ZFAT: variants seen among roughly 807,000 people sequenced by gnomAD.
The protein encoded by ZFAT is zinc finger and AT-hook domain containing.
A neutral mutation model predicts 117.7 loss-of-function variants in ZFAT; 64 were observed. That is an observed-to-expected ratio of 0.54 (90% CI 0.44 to 0.67). ZFAT has a LOEUF of 0.67. ZFAT is among the 30% of genes least tolerant of loss of function. The pLI is 0.00. For synonymous variants in ZFAT, 679 were observed against 615.0 expected (o/e 1.10, Z -1.54); for missense variants, 1,433 against 1,584.5 (o/e 0.90, Z 1.62).
chr8:134,745,019 C>T, the ZFAT span, among the ~76,000 whole-genome samples: 9 of 149,476 alleles, frequency 6.0e-5, no homozygotes, highest in South Asian at 2.1e-4. Flanking sequence ...GTAGCCACCG[C>T]GCCCGGCCAG....
At chr8:134,799,926 T>A in the ZFAT span, among the ~76,000 whole-genome samples, 15 of 152,216 alleles carry the variant, frequency 9.9e-5, no homozygotes, top group Admixed American at 8.5e-4. Context: ...ACTGTACTAA[T>A]GAACAACTTT....
intron 11 of ZFAT, among the ~76,000 whole-genome samples, chr8:134,549,068 G>C (rs1822923530): frequency 6.6e-6 from 1 of 152,186 alleles, no homozygotes; most frequent in Non-Finnish European, 1.5e-5. Flanking sequence ...TATCTACCCA[G>C]GGTCACCCAG....
chr8:134,662,487 A>G (rs1831980824), intron 1 of ZFAT, among the ~76,000 whole-genome samples: 1 of 152,212 alleles, frequency 6.6e-6, no homozygotes, highest in African/African-American at 2.4e-5. Flanking sequence ...GGTAACCTCA[A>G]AAAGTGAGAT....
At chr8:134,681,506 A>G (rs955416760) in intron 1 of ZFAT, among the ~76,000 whole-genome samples, 4 of 152,192 alleles carry the variant, frequency 2.6e-5, no homozygotes, top group African/African-American at 9.7e-5. Flanking sequence ...AAAATGATTA[A>G]CCATTTATCA....
At chr8:134,559,362 A>T (rs1823891198) in intron 11 of ZFAT, among the ~76,000 whole-genome samples, 1 of 152,214 alleles carries the variant, frequency 6.6e-6, no homozygotes. Flanking sequence ...TATCTTAAAT[A>T]TCTTTCTATA....
At chr8:134,527,164 ACAGGG>A (rs1249845075) in intron 12 of ZFAT, among the ~76,000 whole-genome samples, 1 of 152,206 alleles carries the variant, frequency 6.6e-6, no homozygotes, top group Non-Finnish European at 1.5e-5. Context: ...GAAGGGGGTC[ACAGGG>A]CAAGGAATGT....
the ZFAT span, among the ~76,000 whole-genome samples, chr8:134,745,598 C>T: frequency 6.6e-6 from 1 of 152,098 alleles, no homozygotes; most frequent in East Asian, 1.9e-4. Flanking sequence ...CCGTGGACTC[C>T]CCAGTTTCAC....
the ZFAT span, among the ~76,000 whole-genome samples, chr8:134,754,252 G>A: frequency 2.0e-5 from 3 of 152,312 alleles, no homozygotes; most frequent in East Asian, 1.9e-4. Flanking sequence ...GATGATGCCC[G>A]AGCAGAACTA....
At chr8:134,507,774 A>C (rs959607683) in intron 15 of ZFAT, among the ~76,000 whole-genome samples, 12 of 152,184 alleles carry the variant, frequency 7.9e-5, no homozygotes, top group African/African-American at 2.2e-4. Flanking sequence ...CTCAGAAACA[A>C]GACACAAGTC....
chr8:134,575,558 T>C (rs1825238315), intron 10 of ZFAT, among the ~76,000 whole-genome samples: 1 of 152,232 alleles, frequency 6.6e-6, no homozygotes, highest in Non-Finnish European at 1.5e-5. Context: ...AATACATCTG[T>C]GTTGATCTAG....
the ZFAT span, among the ~76,000 whole-genome samples, chr8:134,743,271 T>G: frequency 0.34 from 51,164 of 151,934 alleles, 8,790 homozygotes; most frequent in South Asian, 0.37. Context: ...GGTGGATCAC[T>G]TAAGGTCAGG....
intron 15 of ZFAT, among the ~76,000 whole-genome samples, chr8:134,488,109 G>A (rs916926243): frequency 1.3e-5 from 2 of 152,238 alleles, no homozygotes; most frequent in Non-Finnish European, 2.9e-5. Context: ...TGCGGTTCCA[G>A]GGGGACGTCT....
chr8:134,495,399 G>C (rs977800535), intron 15 of ZFAT, among the ~76,000 whole-genome samples: 15 of 152,176 alleles, frequency 9.9e-5, no homozygotes, highest in African/African-American at 3.6e-4. Context: ...ATCTCCCAAA[G>C]AACCCATCTC....
chr8:134,496,979 A>G (rs1353684099), intron 15 of ZFAT, among the ~76,000 whole-genome samples: 2 of 152,240 alleles, frequency 1.3e-5, no homozygotes, highest in Non-Finnish European at 2.9e-5. Context: ...CCTGACATGC[A>G]GGGACCCCCG....
At chr8:134,524,631 C>T (rs746136966) in intron 12 of ZFAT, among the ~76,000 whole-genome samples, 2 of 152,154 alleles carry the variant, frequency 1.3e-5, no homozygotes, top group Non-Finnish European at 2.9e-5. Flanking sequence ...GATGCTGCTA[C>T]ATACCCTACA....
At chr8:134,639,826 AAG>A (rs1692872864) in intron 2 of ZFAT, 1 of 455,808 alleles carries the variant, frequency 2.2e-6, no homozygotes, top group Non-Finnish European at 4.4e-6. Context: ...GAGTTTACTG[AAG>A]CCTGCGGCCC....
chr8:134,600,948 C>CA (rs1244002259), intron 6 of ZFAT, among the ~76,000 whole-genome samples: 2 of 152,272 alleles, frequency 1.3e-5, no homozygotes, highest in East Asian at 3.9e-4. Flanking sequence ...TACCATGATG[C>CA]ACATGCATAA....
At chr8:134,782,596 G>T in the ZFAT span, among the ~76,000 whole-genome samples, 4 of 152,000 alleles carry the variant, frequency 2.6e-5, no homozygotes, top group Non-Finnish European at 4.4e-5. Flanking sequence ...GGAATCATGG[G>T]GGTGATTTCC....
intron 15 of ZFAT, among the ~76,000 whole-genome samples, chr8:134,499,598 C>A (rs1484564966): frequency 1.3e-5 from 2 of 151,262 alleles, no homozygotes; most frequent in Non-Finnish European, 3.0e-5. Flanking sequence ...TGGTTACACA[C>A]AGAGCCTGAT....
Sources: gnomAD v4.1 joint callset for allele counts (sites outside exome capture counted in the v4.1 genomes callset) on GRCh38, gnomAD v4.1.1 for gene constraint, MANE v1.5 for transcripts, NCBI Gene and HGNC (gene_info 2026-07-23, HGNC 2026-07-21) for gene names.